GRM5: variants seen among roughly 807,000 people sequenced by gnomAD.
GRM5 encodes the protein metabotropic glutamate receptor 5.
A neutral mutation model predicts 83.1 loss-of-function variants in GRM5; 19 were observed. The observed-to-expected ratio is 0.23, with a 90% CI of 0.16 to 0.34. The LOEUF is 0.34. GRM5 is among the 10% of genes least tolerant of loss of function. The pLI is 1.00. For synonymous variants in GRM5, 675 were observed against 633.6 expected (o/e 1.07, Z -0.98); for missense variants, 1,160 against 1,588.3 (o/e 0.73, Z 4.58).
chr11:88,945,875 A>T (rs891623733), intron 2 of GRM5, among the ~76,000 whole-genome samples: 2 of 152,140 alleles, frequency 1.3e-5, no homozygotes, highest in African/African-American at 4.8e-5. Flanking sequence ...CAAAAACAAA[A>T]ATTGACAAGT....
At chr11:88,549,177 C>T (rs1159797733) in intron 8 of GRM5, among the ~76,000 whole-genome samples, 2 of 151,994 alleles carry the variant, frequency 1.3e-5, no homozygotes, top group African/African-American at 4.8e-5. Flanking sequence ...AAGAAATGGC[C>T]AGGAGGCCTG....
intron 2 of GRM5, among the ~76,000 whole-genome samples, chr11:88,978,852 T>C (rs1939430693): frequency 6.6e-6 from 1 of 152,156 alleles, no homozygotes; most frequent in African/African-American, 2.4e-5. Flanking sequence ...AGGGAACTTG[T>C]CAAAGACACA....
chr11:89,008,415 T>A (rs979213013), intron 2 of GRM5, among the ~76,000 whole-genome samples: 1 of 152,154 alleles, frequency 6.6e-6, no homozygotes, highest in Non-Finnish European at 1.5e-5. Context: ...AGACAAGGAC[T>A]ATTCCTGCAA....
chr11:88,770,028 G>C (rs576895150), intron 3 of GRM5, among the ~76,000 whole-genome samples: 1 of 152,064 alleles, frequency 6.6e-6, no homozygotes, highest in Admixed American at 6.6e-5. Context: ...ATACACCCTG[G>C]ATATGATGTG....
intron 2 of GRM5, among the ~76,000 whole-genome samples, chr11:88,878,242 A>T (rs1944892661): frequency 6.6e-6 from 1 of 152,182 alleles, no homozygotes; most frequent in Admixed American, 6.6e-5. Flanking sequence ...CAATCCCTGG[A>T]GAAGACTCCA....
chr11:89,008,484 G>A (rs372595863), intron 2 of GRM5, among the ~76,000 whole-genome samples: 1 of 152,024 alleles, frequency 6.6e-6, no homozygotes, highest in Non-Finnish European at 1.5e-5. Context: ...TCATGGCTAT[G>A]TTTCTATAGA....
At chr11:88,826,172 T>C (rs540194170) in intron 3 of GRM5, among the ~76,000 whole-genome samples, 8 of 152,246 alleles carry the variant, frequency 5.3e-5, no homozygotes, top group Admixed American at 1.3e-4. Flanking sequence ...CAACAGAGTA[T>C]TGACAGTTCA....
At chr11:88,650,860 G>A (rs1393413612) in intron 4 of GRM5, among the ~76,000 whole-genome samples, 1 of 151,938 alleles carries the variant, frequency 6.6e-6, no homozygotes, top group Non-Finnish European at 1.5e-5. Flanking sequence ...TATATGACTG[G>A]AGGAACTTAT....
chr11:88,720,275 T>C (rs1565200430), intron 3 of GRM5, among the ~76,000 whole-genome samples: 1 of 151,584 alleles, frequency 6.6e-6, no homozygotes, highest in Non-Finnish European at 1.5e-5. Flanking sequence ...GGCTGTGAAC[T>C]TTTAAGATAA....
intron 2 of GRM5, among the ~76,000 whole-genome samples, chr11:88,874,977 C>T (rs1457135913): frequency 1.3e-5 from 2 of 151,776 alleles, no homozygotes; most frequent in Non-Finnish European, 2.9e-5. Context: ...AGGATCTTGT[C>T]TTGATACTGA....
At chr11:88,530,190 C>T (rs781128452) in intron 8 of GRM5, among the ~76,000 whole-genome samples, 29 of 151,946 alleles carry the variant, frequency 1.9e-4, no homozygotes, top group South Asian at 6.2e-4. Flanking sequence ...TGTAAGCATT[C>T]CCTTAAAACA....
intron 8 of GRM5, among the ~76,000 whole-genome samples, chr11:88,540,406 G>T (rs1942239150): frequency 6.6e-6 from 1 of 152,002 alleles, no homozygotes; most frequent in African/African-American, 2.4e-5. Context: ...ACAAGAACAA[G>T]ATGAGATGGG....
chr11:88,879,091 T>C (rs1170112341), intron 2 of GRM5, among the ~76,000 whole-genome samples: 1 of 152,080 alleles, frequency 6.6e-6, no homozygotes, highest in Admixed American at 6.6e-5. Flanking sequence ...ATGTCAGTTA[T>C]AGGATAAGAA....
chr11:88,975,094 A>C (rs1423534811), intron 2 of GRM5, among the ~76,000 whole-genome samples: 1 of 152,230 alleles, frequency 6.6e-6, no homozygotes, highest in Non-Finnish European at 1.5e-5. Flanking sequence ...TTTAGGACTT[A>C]AATTAAGAGA....
intron 3 of GRM5, among the ~76,000 whole-genome samples, chr11:88,795,249 T>C: frequency 6.6e-6 from 1 of 152,328 alleles, no homozygotes; most frequent in Non-Finnish European, 1.5e-5. Context: ...GGCAGGCAAC[T>C]TGGCCAAAGT....
intron 2 of GRM5, among the ~76,000 whole-genome samples, chr11:88,890,226 A>G (rs56780745): frequency 0.076 from 11,581 of 152,080 alleles, 683 homozygotes; most frequent in East Asian, 0.18. Context: ...GAAGCAATGC[A>G]CTGTTTTCTC....
Position 88,646,896 on chromosome 11 carries a change from C to CAAAAAAA in GRM5, c.1147+6265_1147+6271dup, listed in dbSNP as rs143740677. Among the ~76,000 whole-genome samples the CAAAAAAA allele has an allele frequency of 1.3e-4, 18 of 139,844 alleles. 1 individual carries two copies. Among genetic ancestry groups the CAAAAAAA allele is most frequent in the South Asian group, 7.1e-4 (3 of 4,218 alleles). The allele number at this position is 139,844 out of a possible 152,430, so 91.7% of individuals were successfully genotyped here. Reference sequence around the variant, plus strand: ...TGTTAATTTTCTAAGGTTGCCATTACAAAAAAAAAACACCACAAATTGGTT... The same window carrying CAAAAAAA: ...TGTTAATTTTCTAAGGTTGCCATTACAAAAAAAAAAAAAAAAACACCACAAATTGGTT... On this transcript the variant is annotated intron_variant, in intron 4 of 9. Coordinates refer to ENST00000305447, the MANE Select transcript of GRM5 (RefSeq NM_001143831.3).
rs373620333 is a variant in GRM5, at chr11:88,604,604, GA to G, written c.1394+113del. The G allele has an allele frequency of 1.4e-3, 1,182 of 869,822 alleles. 4 individuals carry two copies. The highest frequency in any genetic ancestry group is 8.6e-3 in the Middle Eastern group (25 of 2,896). 53.9% of individuals were successfully genotyped at this position (869,822 alleles called of 1,614,324 possible). On this transcript the variant is annotated intron_variant, in intron 5 of 9. Transcript: ENST00000305447. ...GCTCATTTGGGATGTCAGGGAAGGG[GA>G]AACATTACCAGGAAACCTAGATTAA...
At chr11:88,687,552 ACATATATAT>A (rs1940667104) in intron 3 of GRM5, among the ~76,000 whole-genome samples, 1 of 7,208 alleles carries the variant, frequency 1.4e-4, no homozygotes, top group African/African-American at 3.0e-4. Flanking sequence ...ACACACACAC[ACATATATAT>A]TATATATATA....
Sources: gnomAD v4.1 joint callset for allele counts (sites outside exome capture counted in the v4.1 genomes callset) on GRCh38, gnomAD v4.1.1 for gene constraint, MANE v1.5 for transcripts, NCBI Gene and HGNC (gene_info 2026-07-23, HGNC 2026-07-21) for gene names.